The following RBFOX1 variants were observed in gnomAD, a reference collection of about 807,000 sequenced individuals.
RBFOX1 encodes RNA binding protein fox-1 homolog 1.
Under a neutral mutation model 57.7 loss-of-function variants are expected in RBFOX1, and 8 were observed. That is an observed-to-expected ratio of 0.14 (90% CI 0.08 to 0.25). The LOEUF is 0.25. Ranked by LOEUF, RBFOX1 falls within the 10% of genes least tolerant of loss-of-function variation. RBFOX1 has a pLI of 1.00. For synonymous variants in RBFOX1, 326 were observed against 222.4 expected (o/e 1.47, Z -4.15); for missense variants, 611 against 548.5 (o/e 1.11, Z -1.14).
chr16:7,061,970 G>C (rs1472500739), intron 4 of RBFOX1, among the ~76,000 whole-genome samples: 4 of 152,128 alleles, frequency 2.6e-5, no homozygotes, highest in Non-Finnish European at 5.9e-5. Flanking sequence ...TGAGTAAGGA[G>C]CAAGAAACTC....
In RBFOX1 at chr16:6,148,785, C is replaced by T. The variant is rs1027776847; in HGVS notation, c.-127+128793C>T. Among the ~76,000 whole-genome samples, 105 of 152,190 alleles carry T rather than the reference C, an allele frequency of 6.9e-4. 1 individual carries two copies. The highest frequency in any genetic ancestry group is 2.6e-4 in the Admixed American group (4 of 15,282). ...AAAGATTGCCTATCAATTAAAACCACAAGGGTGGAGTGGGGATGTTTTCCC... is the reference window on the plus strand; with the variant it reads ...AAAGATTGCCTATCAATTAAAACCATAAGGGTGGAGTGGGGATGTTTTCCC... On this transcript the variant is annotated intron_variant, in intron 1 of 15. Coordinates refer to ENST00000550418, the MANE Select transcript of RBFOX1 (RefSeq NM_018723.4).
intron 4 of RBFOX1, among the ~76,000 whole-genome samples, chr16:7,330,359 G>A (rs2096668458): frequency 1.4e-5 from 2 of 142,490 alleles, no homozygotes; most frequent in East Asian, 2.1e-4. Flanking sequence ...AGAACAAACA[G>A]TCTGTATATG....
intron 5 of RBFOX1, among the ~76,000 whole-genome samples, chr16:7,568,511 C>T (rs1384707954): frequency 6.6e-6 from 1 of 152,084 alleles, no homozygotes; most frequent in African/African-American, 2.4e-5. Flanking sequence ...TGGGATTTGG[C>T]TGGCTTCTTT....
chr16:7,451,800 C>G (rs1406037378), intron 4 of RBFOX1, among the ~76,000 whole-genome samples: 1 of 151,766 alleles, frequency 6.6e-6, no homozygotes, highest in African/African-American at 2.4e-5. Flanking sequence ...GCTGAGACCA[C>G]TGGCCAGCCC....
At chr16:7,238,517 C>G (rs576230910) in intron 4 of RBFOX1, among the ~76,000 whole-genome samples, 8 of 107,806 alleles carry the variant, frequency 7.4e-5, no homozygotes, top group African/African-American at 2.7e-4. Flanking sequence ...CTCTCCTCAT[C>G]TTTCCAACCT....
chr16:7,343,093 A>T (rs974234849), intron 4 of RBFOX1, among the ~76,000 whole-genome samples: 1 of 152,076 alleles, frequency 6.6e-6, no homozygotes, highest in South Asian at 2.1e-4. Context: ...CCTTCTGGGG[A>T]CAGACTCTTT....
At chr16:6,658,951 T>G (rs947276253) in intron 3 of RBFOX1, among the ~76,000 whole-genome samples, 11 of 151,514 alleles carry the variant, frequency 7.3e-5, no homozygotes, top group Non-Finnish European at 1.5e-4. Context: ...TTTTGTTTTT[T>G]TTTTTCCTCC....
chr16:6,125,765 C>G (rs916513584), intron 1 of RBFOX1, among the ~76,000 whole-genome samples: 3 of 152,060 alleles, frequency 2.0e-5, no homozygotes, highest in Admixed American at 2.0e-4. Flanking sequence ...TTGGCTCGCT[C>G]TCTGTGGGAT....
chr16:7,104,085 A>C (rs937057227), intron 4 of RBFOX1, among the ~76,000 whole-genome samples: 4 of 152,168 alleles, frequency 2.6e-5, no homozygotes, highest in Admixed American at 2.6e-4. Context: ...CTGCAATCCC[A>C]CAGATGTCAG....
At chr16:6,888,408 A>G (rs1314134954) in intron 3 of RBFOX1, among the ~76,000 whole-genome samples, 3 of 152,102 alleles carry the variant, frequency 2.0e-5, no homozygotes, top group Non-Finnish European at 4.4e-5. Flanking sequence ...GAGCTTACTG[A>G]TGTCAACACT....
chr16:7,414,843 C>T (rs562053482), intron 4 of RBFOX1, among the ~76,000 whole-genome samples: 15 of 152,292 alleles, frequency 9.8e-5, no homozygotes, highest in Admixed American at 7.8e-4. Flanking sequence ...GTCTTGAACT[C>T]CTGACCTCAG....
chr16:6,943,699 C>G (rs2078964541), intron 3 of RBFOX1, among the ~76,000 whole-genome samples: 1 of 143,250 alleles, frequency 7.0e-6, no homozygotes, highest in Admixed American at 7.0e-5. Flanking sequence ...GAGAGTGAGA[C>G]TCTGTCTTTA....
At chr16:7,104,058 C>T (rs143397244) in intron 4 of RBFOX1, among the ~76,000 whole-genome samples, 11 of 152,012 alleles carry the variant, frequency 7.2e-5, no homozygotes, top group African/African-American at 2.2e-4. Context: ...TAAAATAGTT[C>T]GTTACTAAAA....
At chr16:6,819,720 AAAAAAAAAAAATAAC>A (rs1323128116) in intron 3 of RBFOX1, among the ~76,000 whole-genome samples, 3 of 144,478 alleles carry the variant, frequency 2.1e-5, no homozygotes, top group African/African-American at 7.8e-5. Flanking sequence ...AAAAAAAAAA[AAAAAAAAAAAATAAC>A]AACACCAAAA....
chr16:7,117,216 C>G (rs1413060109), intron 4 of RBFOX1, among the ~76,000 whole-genome samples: 1 of 152,104 alleles, frequency 6.6e-6, no homozygotes, highest in Non-Finnish European at 1.5e-5. Flanking sequence ...GGCTTTGTAA[C>G]AAGGGCATTG....
chr16:5,302,283 G>T (rs145154245), intron 1 of RBFOX1, among the ~76,000 whole-genome samples: 1 of 152,166 alleles, frequency 6.6e-6, no homozygotes, highest in African/African-American at 2.4e-5. Context: ...AAATACTGTT[G>T]TCAGAGAAAT....
chr16:7,574,049 C>A (rs889825003), intron 5 of RBFOX1, among the ~76,000 whole-genome samples: 3 of 152,030 alleles, frequency 2.0e-5, no homozygotes, highest in African/African-American at 7.3e-5. Context: ...TTTGTCATAA[C>A]GTTCAGCAAG....
chr16:5,689,149 C>T (rs192355300), intron 3 of RBFOX1, among the ~76,000 whole-genome samples: 7 of 152,304 alleles, frequency 4.6e-5, no homozygotes, highest in Admixed American at 1.3e-4. Flanking sequence ...GTCAAGGTCA[C>T]GTCCAGAGAA....
chr16:6,474,223 C>G (rs1449156136), intron 2 of RBFOX1, among the ~76,000 whole-genome samples: 3 of 152,038 alleles, frequency 2.0e-5, no homozygotes, highest in Non-Finnish European at 2.9e-5. Flanking sequence ...TTTTATTATC[C>G]AGATTCTATT....
Sources: gnomAD v4.1 joint callset for allele counts (sites outside exome capture counted in the v4.1 genomes callset) on GRCh38, gnomAD v4.1.1 for gene constraint, MANE v1.5 for transcripts, NCBI Gene and HGNC (gene_info 2026-07-23, HGNC 2026-07-21) for gene names.